The following TFDP2 variants were observed in gnomAD, a reference collection of about 807,000 sequenced individuals.
TFDP2 encodes transcription factor Dp-2, also known as transcription factor Dp-2 (E2F dimerization partner 2).
TFDP2 carries 17 observed loss-of-function variants against 59.3 expected under a neutral mutation model. The ratio of observed to expected loss-of-function variants is 0.29; its 90% CI spans 0.20 to 0.43. TFDP2 has a LOEUF of 0.43. Ranked by LOEUF, TFDP2 falls within the 20% of genes least tolerant of loss-of-function variation. The pLI is 1.00. For synonymous variants in TFDP2, 180 were observed against 194.7 expected (o/e 0.92, Z 0.63); for missense variants, 391 against 528.8 (o/e 0.74, Z 2.56).
At chr3:141,965,000 C>T (rs886800021) in intron 9 of TFDP2, among the ~76,000 whole-genome samples, 6 of 151,900 alleles carry the variant, frequency 3.9e-5, no homozygotes, top group South Asian at 2.1e-4. Context: ...TGCAGTAAGC[C>T]GAGATTGCAC....
rs1936194910 is a variant in TFDP2 at position 141,953,650 on chromosome 3, A to T, written c.1052-634T>A. Among the ~76,000 whole-genome samples the T allele has an allele frequency of 2.6e-5, 4 of 151,586 alleles. No homozygotes were observed. In the South Asian group the frequency reaches 8.3e-4, roughly 32 times the overall value. ...ATTTTATTTTTTTTATTATTATTAT[A>T]CTTTAAGTTTTAGGGTACATGTGCA... On this transcript the variant is annotated intron_variant, in intron 11 of 12. Coordinates refer to ENST00000489671, the MANE Select transcript of TFDP2 (RefSeq NM_001178139.2).
chr3:142,139,383 T>G (rs1419032153), intron 1 of TFDP2, among the ~76,000 whole-genome samples: 1 of 152,248 alleles, frequency 6.6e-6, no homozygotes, highest in South Asian at 2.1e-4. Flanking sequence ...GTTAATATTG[T>G]TATGTGTGGA....
At chr3:142,129,571 T>C (rs1284693252) in intron 1 of TFDP2, among the ~76,000 whole-genome samples, 2 of 152,068 alleles carry the variant, frequency 1.3e-5, no homozygotes, top group Non-Finnish European at 2.9e-5. Context: ...GGGTTTCATA[T>C]CTAGAATATA....
At chr3:141,986,994 C>T (rs1942170098) in intron 6 of TFDP2, among the ~76,000 whole-genome samples, 1 of 152,138 alleles carries the variant, frequency 6.6e-6, no homozygotes, top group Admixed American at 6.6e-5. Context: ...ATCCAGCAAC[C>T]TTGCTAAATT....
chr3:142,136,060 G>A (rs1185682229), intron 1 of TFDP2, among the ~76,000 whole-genome samples: 1 of 151,922 alleles, frequency 6.6e-6, no homozygotes, highest in East Asian at 1.9e-4. Flanking sequence ...ATCCTCTCCA[G>A]CACGTTGTTT....
intron 1 of TFDP2, among the ~76,000 whole-genome samples, chr3:142,142,239 TAAAC>T (rs1489175464): frequency 2.0e-5 from 3 of 152,152 alleles, no homozygotes; most frequent in Admixed American, 6.5e-5. Flanking sequence ...ATAGAAGTGA[TAAAC>T]AAATTCAGTA....
chr3:142,118,258 A>G (rs2061912592), intron 1 of TFDP2, among the ~76,000 whole-genome samples: 1 of 152,208 alleles, frequency 6.6e-6, no homozygotes, highest in African/African-American at 2.4e-5. Flanking sequence ...TGGCAGAAGA[A>G]GCACTCTCAA....
chr3:142,043,991 G>T, intron 3 of TFDP2: 1 of 709,022 alleles, frequency 1.4e-6, no homozygotes, highest in Admixed American at 2.0e-5. Flanking sequence ...CCTTCCGGCG[G>T]GCCAAGGTCT....
rs984082447 is a variant in TFDP2 at position 141,958,947 on chromosome 3, CTTTTT to C, written c.1051+722_1051+726del. ...ATTAGAGGGAAGTAGGATGTACCTACTTTTTTTTTTTTTTTTTTTTTTTTGAGACA... is the reference window on the plus strand; with the variant it reads ...ATTAGAGGGAAGTAGGATGTACCTACTTTTTTTTTTTTTTTTTTTGAGACA... On this transcript the variant is annotated intron_variant, in intron 11 of 12. Coordinates refer to ENST00000489671, the MANE Select transcript of TFDP2 (RefSeq NM_001178139.2). Among the ~76,000 whole-genome samples, 180 of 103,680 alleles carry C rather than the reference CTTTTT, an allele frequency of 1.7e-3. 1 individual carries two copies. Among genetic ancestry groups the C allele is most frequent in the African/African-American group, 6.3e-3 (159 of 25,074 alleles). The allele number at this position is 103,680 out of a possible 152,430, so 68.0% of individuals were successfully genotyped here.
chr3:142,076,210 C>CAAAAAAAAAAAAAAAAAAAAAAAAAA, intron 3 of TFDP2, among the ~76,000 whole-genome samples: 1 of 112,146 alleles, frequency 8.9e-6, no homozygotes, highest in Non-Finnish European at 1.9e-5. Flanking sequence ...GACTCCGTCT[C>CAAAAAAAAAAAAAAAAAAAAAAAAAA]AAAAAAAAAA....
At chr3:142,063,233 T>G (rs530112824) in intron 3 of TFDP2, among the ~76,000 whole-genome samples, 1 of 152,376 alleles carries the variant, frequency 6.6e-6, no homozygotes, top group East Asian at 1.9e-4. Flanking sequence ...AAAAGTAATT[T>G]GTTATATTTC....
At chr3:142,082,830 A>G (rs2060684753) in intron 3 of TFDP2, among the ~76,000 whole-genome samples, 1 of 152,208 alleles carries the variant, frequency 6.6e-6, no homozygotes, top group African/African-American at 2.4e-5. Flanking sequence ...TCGCTTCATG[A>G]TACAATCCCT....
intron 1 of TFDP2, among the ~76,000 whole-genome samples, chr3:142,142,167 T>C (rs953039852): frequency 6.6e-6 from 1 of 152,228 alleles, no homozygotes; most frequent in East Asian, 1.9e-4. Context: ...TTATCCCTGT[T>C]TGCAGATGAT....
rs1460673985 is a variant in TFDP2 at position 141,951,334 on chromosome 3, T to C, written c.*1179A>G. ...ATGACATCTTGAGCCATAAACAACATAACTGCACTACCATATATCCAGGCA... is the reference window on the plus strand; with the variant it reads ...ATGACATCTTGAGCCATAAACAACACAACTGCACTACCATATATCCAGGCA... On this transcript the variant is annotated 3_prime_UTR_variant, in exon 13 of 13. Coordinates refer to ENST00000489671, the MANE Select transcript of TFDP2 (RefSeq NM_001178139.2). 6.6e-6 allele frequency: 1 copy of C among 152,232 alleles called. No homozygotes were observed. Among genetic ancestry groups the C allele is most frequent in the Non-Finnish European group, 1.5e-5 (1 of 68,052 alleles). 9.4% of individuals were successfully genotyped at this position (152,232 alleles called of 1,614,324 possible).
At chr3:141,994,945 GAAGAC>G (rs1943125238) in intron 5 of TFDP2, 70 bp downstream of exon 5, 4 of 1,318,052 alleles carry the variant, frequency 3.0e-6, no homozygotes, top group Middle Eastern at 2.0e-4. Flanking sequence ...AACAAGAACA[GAAGAC>G]AAGATAGTAA....
intron 3 of TFDP2, among the ~76,000 whole-genome samples, chr3:142,028,312 T>C (rs540928816): frequency 6.8e-4 from 104 of 152,288 alleles, no homozygotes; most frequent in African/African-American, 2.3e-3. Flanking sequence ...CTTTAGTTCC[T>C]GAATTAAGAA....
At chr3:141,982,158 A>C (rs1198074731) in intron 6 of TFDP2, among the ~76,000 whole-genome samples, 2 of 152,194 alleles carry the variant, frequency 1.3e-5, no homozygotes, top group Non-Finnish European at 2.9e-5. Context: ...AATGTAAAAT[A>C]CCTCACTAGT....
intron 3 of TFDP2, among the ~76,000 whole-genome samples, chr3:142,021,026 T>C (rs1945552231): frequency 6.6e-6 from 1 of 152,098 alleles, no homozygotes; most frequent in Admixed American, 6.6e-5. Context: ...CTAACTAGTA[T>C]TACCTACCTG....
At chr3:142,048,372 C>T (rs983264661) in intron 3 of TFDP2, among the ~76,000 whole-genome samples, 20 of 150,600 alleles carry the variant, frequency 1.3e-4, no homozygotes, top group African/African-American at 4.2e-4. Flanking sequence ...GAATTTATAC[C>T]GCTATACTCC....
Sources: allele counts gnomAD v4.1 joint callset (sites outside exome capture counted in the v4.1 genomes callset), GRCh38; gene constraint gnomAD v4.1.1; transcripts MANE v1.5; gene names NCBI Gene and HGNC (gene_info 2026-07-23, HGNC 2026-07-21).